Variants in ST6GALNAC5 observed in about 807,000 individuals in gnomAD.
The protein encoded by ST6GALNAC5 is ST6 N-acetylgalactosaminide alpha-2,6-sialyltransferase 5, also known as alpha-N-acetylgalactosaminide alpha-2,6-sialyltransferase 5.
Under a neutral mutation model 33.6 loss-of-function variants are expected in ST6GALNAC5, and 27 were observed. The observed-to-expected ratio is 0.80, with a 90% confidence interval of 0.59 to 1.11. The LOEUF (loss-of-function observed/expected upper bound fraction) is 1.11. ST6GALNAC5 is among the 50% of genes least tolerant of loss of function. The pLI, the probability that ST6GALNAC5 is intolerant of heterozygous loss-of-function variation, is 0.00. For synonymous variants in ST6GALNAC5, 194 were observed against 171.2 expected (o/e 1.13, Z -1.04); for missense variants, 428 against 454.0 (o/e 0.94, Z 0.52).
chr1:77,005,479 C>G (rs549098101), intron 2 of ST6GALNAC5, among the ~76,000 whole-genome samples: 1 of 152,158 alleles, frequency 6.6e-6, no homozygotes, highest in African/African-American at 2.4e-5. Flanking sequence ...AGCTGTAGAC[C>G]GGAGCTGTTC....
At chr1:76,892,115 A>G (rs1654026462) in intron 2 of ST6GALNAC5, among the ~76,000 whole-genome samples, 1 of 152,222 alleles carries the variant, frequency 6.6e-6, no homozygotes, top group Non-Finnish European at 1.5e-5. Context: ...TAGTAGCTAA[A>G]CAGTTGTAAA....
chr1:76,923,980 T>C (rs1484557610), intron 2 of ST6GALNAC5, among the ~76,000 whole-genome samples: 1 of 152,130 alleles, frequency 6.6e-6, no homozygotes, highest in African/African-American at 2.4e-5. Flanking sequence ...GAAAATTCTA[T>C]TGAAAATATG....
intron 2 of ST6GALNAC5, among the ~76,000 whole-genome samples, chr1:76,996,133 A>T (rs1649929422): frequency 1.3e-5 from 2 of 152,216 alleles, no homozygotes; most frequent in Non-Finnish European, 1.5e-5. Flanking sequence ...TGGAGAGGCT[A>T]ACCAACTTGT....
chr1:76,925,034 G>A (rs1570677963), intron 2 of ST6GALNAC5, among the ~76,000 whole-genome samples: 1 of 152,184 alleles, frequency 6.6e-6, no homozygotes, highest in East Asian at 1.9e-4. Flanking sequence ...GCCCCAGGAA[G>A]CTTACAATCA....
At chr1:77,057,931 C>T (rs1399371441) in intron 4 of ST6GALNAC5, among the ~76,000 whole-genome samples, 1 of 152,146 alleles carries the variant, frequency 6.6e-6, no homozygotes, top group Non-Finnish European at 1.5e-5. Context: ...GCCATTAGCA[C>T]CGATGGGCAG....
intron 2 of ST6GALNAC5, among the ~76,000 whole-genome samples, chr1:77,024,588 T>A (rs35804226): frequency 0.11 from 16,646 of 152,232 alleles, 1,024 homozygotes; most frequent in Admixed American, 0.16. Context: ...ATCTCACCTC[T>A]GCCTAGCACT....
chr1:76,879,733 G>A (rs1019723523), intron 2 of ST6GALNAC5, among the ~76,000 whole-genome samples: 9 of 152,188 alleles, frequency 5.9e-5, no homozygotes, highest in African/African-American at 2.2e-4. Context: ...GGTCAGGGAG[G>A]AGATGTTGCC....
At chr1:76,892,209 C>T (rs1175977684) in intron 2 of ST6GALNAC5, among the ~76,000 whole-genome samples, 4 of 152,154 alleles carry the variant, frequency 2.6e-5, no homozygotes, top group Non-Finnish European at 5.9e-5. Flanking sequence ...AAAGTACTCT[C>T]GTGAGAGTGT....
At chr1:76,886,705 T>C (rs556534074) in intron 2 of ST6GALNAC5, among the ~76,000 whole-genome samples, 1 of 152,324 alleles carries the variant, frequency 6.6e-6, no homozygotes, top group African/African-American at 2.4e-5. Context: ...TAACTCCTTA[T>C]TCTCCTCTTC....
At chr1:77,054,547 GGA>G (rs1652329691) in intron 4 of ST6GALNAC5, among the ~76,000 whole-genome samples, 1 of 152,174 alleles carries the variant, frequency 6.6e-6, no homozygotes, top group African/African-American at 2.4e-5. Flanking sequence ...ACACTTTTCA[GGA>G]GAGTAGAATC....
chr1:77,046,129 G>A (rs937366885), intron 3 of ST6GALNAC5, among the ~76,000 whole-genome samples: 1 of 152,150 alleles, frequency 6.6e-6, no homozygotes, highest in Non-Finnish European at 1.5e-5. Context: ...TTAAACTAAA[G>A]GAGAGTCAGA....
At position 76,867,524 on chromosome 1, in the gene ST6GALNAC5, G is replaced by A; in HGVS notation, c.-152G>A. ...ATCTCTGCAACAGCCGCGCTTCCCGGGTCCCGCGGCTCCCGCGCGCGATCT... is the reference window on the plus strand; with the variant it reads ...ATCTCTGCAACAGCCGCGCTTCCCGAGTCCCGCGGCTCCCGCGCGCGATCT... On this transcript the variant is annotated 5_prime_UTR_variant, in exon 1 of 5. Coordinates refer to ENST00000477717, the MANE Select transcript of ST6GALNAC5 (RefSeq NM_030965.3). 2.6e-6 allele frequency: 3 copies of A among 1,163,388 alleles called. No homozygotes were observed. Among genetic ancestry groups the A allele is most frequent in the South Asian group, 1.2e-5 (1 of 81,586 alleles). The allele number at this position is 1,163,388 out of a possible 1,614,324, so 72.1% of individuals were successfully genotyped here.
chr1:77,000,301 G>A (rs1650097088), intron 2 of ST6GALNAC5, among the ~76,000 whole-genome samples: 1 of 122,464 alleles, frequency 8.2e-6, no homozygotes, highest in Non-Finnish European at 1.9e-5. Flanking sequence ...TTTGAGAAGT[G>A]TCTGTTCATG....
intron 2 of ST6GALNAC5, among the ~76,000 whole-genome samples, chr1:76,926,554 A>G (rs80343262): frequency 0.01 from 1,595 of 152,310 alleles, 28 homozygotes; most frequent in African/African-American, 0.036. Context: ...ATGGACAGAT[A>G]GATGTTCTAG....
intron 2 of ST6GALNAC5, among the ~76,000 whole-genome samples, chr1:76,996,267 G>T (rs897341143): frequency 2.1e-4 from 32 of 152,166 alleles, no homozygotes; most frequent in African/African-American, 7.0e-4. Flanking sequence ...GGACTCTTGT[G>T]TATCAGAGTT....
intron 2 of ST6GALNAC5, among the ~76,000 whole-genome samples, chr1:76,977,220 G>A (rs1649046934): frequency 6.6e-6 from 1 of 151,956 alleles, no homozygotes; most frequent in African/African-American, 2.4e-5. Context: ...TTTATAGAGT[G>A]CAGTGTTATG....
intron 2 of ST6GALNAC5, among the ~76,000 whole-genome samples, chr1:76,878,168 G>A (rs1653691417): frequency 6.6e-6 from 1 of 152,200 alleles, no homozygotes; most frequent in Non-Finnish European, 1.5e-5. Context: ...CTACAGGGAT[G>A]CGATATTGTT....
intron 2 of ST6GALNAC5, among the ~76,000 whole-genome samples, chr1:77,035,737 C>T (rs1399544237): frequency 1.3e-5 from 2 of 152,102 alleles, no homozygotes; most frequent in Non-Finnish European, 2.9e-5. Context: ...TCTTTTCACC[C>T]ATTAGAATAA....
intron 2 of ST6GALNAC5, among the ~76,000 whole-genome samples, chr1:76,912,193 A>G (rs1646920990): frequency 6.6e-6 from 1 of 152,136 alleles, no homozygotes; most frequent in South Asian, 2.1e-4. Flanking sequence ...CCCAGTAGTC[A>G]TTCAGGAGCA....
Sources: allele counts gnomAD v4.1 joint callset (sites outside exome capture counted in the v4.1 genomes callset), GRCh38; gene constraint gnomAD v4.1.1; transcripts MANE v1.5; gene names NCBI Gene and HGNC (gene_info 2026-07-23, HGNC 2026-07-21).